The following SUMF1 variants were observed in gnomAD, a reference collection of about 807,000 sequenced individuals.
SUMF1 encodes the protein formylglycine-generating enzyme.
SUMF1 carries 48 observed loss-of-function variants against 47.6 expected under a neutral mutation model. The ratio of observed to expected loss-of-function variants is 1.01; its 90% CI spans 0.80 to 1.28. The LOEUF is 1.28. Ranked by LOEUF, SUMF1 falls within the 50% of genes most tolerant of loss-of-function variation. SUMF1 has a pLI of 0.00. For synonymous variants in SUMF1, 230 were observed against 192.1 expected, an observed-to-expected ratio of 1.20 and a Z score of -1.63; for missense variants, 571 against 485.4, an observed-to-expected ratio of 1.18 and a Z score of -1.66.
Position 4,300,878 on chromosome 3 carries a change from G to GACAC in SUMF1, c.1014+75448_1014+75451dup, listed in dbSNP as rs201089605. Among the ~76,000 whole-genome samples the GACAC allele has an allele frequency of 7.7e-3, 1,160 of 150,646 alleles. 14 individuals carry two copies. The highest frequency in any genetic ancestry group is 0.027 in the African/African-American group (1,105 of 41,154). On this transcript the variant is annotated intron_variant and NMD_transcript_variant, in intron 8 of 12. Coordinates refer to the SUMF1 transcript ENST00000448413. ...AATCAGTAGAAAACAAACATACAGA[G>GACAC]ACACACACACACACACACTCTAGCT...
At chr3:4,176,841 A>G (rs563721344) in intron 8 of SUMF1, among the ~76,000 whole-genome samples, 1 of 152,338 alleles carries the variant, frequency 6.6e-6, no homozygotes, top group South Asian at 2.1e-4. Flanking sequence ...GGGATAGAGG[A>G]AGATTTACCG....
At chr3:4,449,965 G>A (rs1702914624) in intron 2 of SUMF1, among the ~76,000 whole-genome samples, 1 of 152,214 alleles carries the variant, frequency 6.6e-6, no homozygotes, top group Non-Finnish European at 1.5e-5. Context: ...ATTTGTCAGT[G>A]TTCTTATTCA....
At position 4,106,309 on chromosome 3, in the gene SUMF1, G is replaced by A. The variant is rs147921663; in HGVS notation, c.1015-37564C>T. ...AGATAAAATGAAGATAAAGATATCC[G>A]TTTGTAGTGATATTTCTACTTCTTT... On this transcript the variant is annotated intron_variant and NMD_transcript_variant, in intron 8 of 12. Transcript: ENST00000448413. Among the ~76,000 whole-genome samples, 437 of 152,152 alleles carry A rather than the reference G, an allele frequency of 2.9e-3. 5 individuals carry two copies. The highest frequency in any genetic ancestry group is 9.9e-3 in the African/African-American group (410 of 41,492).
chr3:4,311,744 C>T (rs529557533), intron 8 of SUMF1, among the ~76,000 whole-genome samples: 5 of 152,178 alleles, frequency 3.3e-5, no homozygotes, highest in Non-Finnish European at 5.9e-5. Context: ...TTCCCTTTCA[C>T]CTTACTCTCC....
At chr3:4,143,074 C>T (rs1189795741) in intron 8 of SUMF1, among the ~76,000 whole-genome samples, 2 of 152,078 alleles carry the variant, frequency 1.3e-5, no homozygotes, top group East Asian at 1.9e-4. Context: ...ATCCCTGAGC[C>T]TCGATCGGCT....
intron 8 of SUMF1, among the ~76,000 whole-genome samples, chr3:4,193,415 C>T (rs1389240613): frequency 1.3e-5 from 2 of 151,884 alleles, no homozygotes; most frequent in Non-Finnish European, 2.9e-5. Flanking sequence ...CATAAGAATG[C>T]CTGAATTTGC....
chr3:4,364,906 G>C (rs1179799814), intron 8 of SUMF1, among the ~76,000 whole-genome samples: 5 of 150,410 alleles, frequency 3.3e-5, no homozygotes, highest in African/African-American at 9.7e-5. Context: ...ATGTGTCCCA[G>C]AGATTCTGGT....
At chr3:4,061,333 A>G (rs1695273604) in intron 9 of SUMF1, among the ~76,000 whole-genome samples, 1 of 152,130 alleles carries the variant, frequency 6.6e-6, no homozygotes, top group Non-Finnish European at 1.5e-5. Flanking sequence ...TTGAGGAACT[A>G]AAACTTACCA....
At chr3:4,199,490 G>C (rs932948071) in intron 8 of SUMF1, among the ~76,000 whole-genome samples, 1 of 152,060 alleles carries the variant, frequency 6.6e-6, no homozygotes, top group African/African-American at 2.4e-5. Flanking sequence ...CAAATACATA[G>C]GAGAGAAATT....
At position 4,387,083 on chromosome 3, in the gene SUMF1, TG is replaced by T. The variant is rs548220840; in HGVS notation, c.955-10695del. Among the ~76,000 whole-genome samples, 5 of 152,126 alleles carry T rather than the reference TG, an allele frequency of 3.3e-5. No homozygotes were observed. The South Asian group carries it at 1.0e-3, about 31-fold the overall frequency. On this transcript the variant is annotated intron_variant, in intron 7 of 8. Transcript: ENST00000272902. ...TTCTATTTTTTTACTGCTTTTGGTT[TG>T]GGGATCAAGGCAATACTAGCTTCGT...
At chr3:4,151,372 C>A (rs1694319860) in intron 8 of SUMF1, among the ~76,000 whole-genome samples, 1 of 142,822 alleles carries the variant, frequency 7.0e-6, no homozygotes. Flanking sequence ...TATATATATA[C>A]ATGTGTGTAT....
At chr3:4,374,216 G>T (rs1310592862) in intron 8 of SUMF1, among the ~76,000 whole-genome samples, 5 of 152,056 alleles carry the variant, frequency 3.3e-5, no homozygotes, top group Non-Finnish European at 7.4e-5. Flanking sequence ...TTATAAAAGG[G>T]ATCTAGATTA....
At chr3:4,369,993 C>T (rs1700120764) in intron 8 of SUMF1, among the ~76,000 whole-genome samples, 1 of 152,154 alleles carries the variant, frequency 6.6e-6, no homozygotes, top group African/African-American at 2.4e-5. Flanking sequence ...AACAAGATAG[C>T]TGTTATCAGG....
chr3:4,169,814 C>G lies in SUMF1; in HGVS notation c.1015-101069G>C, dbSNP rs1415068633. ...GCTTTTTAAATAAACAGTATAGTAT[C>G]AGGCATTAAGGACTAGCTGGAGAGA... On this transcript the variant is annotated intron_variant and NMD_transcript_variant, in intron 8 of 12. Coordinates refer to the SUMF1 transcript ENST00000448413. Among the ~76,000 whole-genome samples the G allele has an allele frequency of 2.6e-5, 4 of 152,166 alleles. No homozygotes were observed. The East Asian group carries it at 7.7e-4, about 29-fold the overall frequency.
At chr3:4,366,320 T>C (rs1699955740) in intron 8 of SUMF1, among the ~76,000 whole-genome samples, 2 of 152,226 alleles carry the variant, frequency 1.3e-5, no homozygotes, top group African/African-American at 4.8e-5. Flanking sequence ...GTTTCCAACT[T>C]GGTTCCATTC....
intron 7 of SUMF1, among the ~76,000 whole-genome samples, chr3:4,393,115 G>A (rs546128589): frequency 2.6e-4 from 39 of 152,124 alleles, no homozygotes; most frequent in Non-Finnish European, 4.3e-4. Context: ...TGTTACTTGC[G>A]CGATCTCCCT....
intron 8 of SUMF1, among the ~76,000 whole-genome samples, chr3:4,082,204 A>C (rs1026032882): frequency 1.3e-5 from 2 of 152,134 alleles, no homozygotes; most frequent in Non-Finnish European, 2.9e-5. Flanking sequence ...ATGGTGACTC[A>C]CACCTGTAAT....
At chr3:4,111,476 T>A (rs1693305296) in intron 8 of SUMF1, among the ~76,000 whole-genome samples, 3 of 152,024 alleles carry the variant, frequency 2.0e-5, no homozygotes, top group South Asian at 4.2e-4. Context: ...TGCCAGCACT[T>A]TGGGAGGCCA....
chr3:4,115,549 A>G (rs1000775205), intron 8 of SUMF1, among the ~76,000 whole-genome samples: 5 of 142,510 alleles, frequency 3.5e-5, no homozygotes, highest in South Asian at 2.2e-4. Context: ...TCAGAGCCCA[A>G]AAACGCTCCT....
Sources: gnomAD v4.1 joint callset for allele counts (sites outside exome capture counted in the v4.1 genomes callset) on GRCh38, gnomAD v4.1.1 for gene constraint, MANE v1.5 for transcripts, NCBI Gene and HGNC (gene_info 2026-07-23, HGNC 2026-07-21) for gene names.